The following NAALADL2 variants were observed in gnomAD, a reference collection of about 807,000 sequenced individuals.
NAALADL2 encodes N-acetylated alpha-linked acidic dipeptidase like 2, also known as inactive N-acetylated-alpha-linked acidic dipeptidase-like protein 2.
A neutral mutation model predicts 87.2 loss-of-function variants in NAALADL2; 76 were observed. The ratio of observed to expected loss-of-function variants is 0.87; its 90% CI spans 0.72 to 1.05. NAALADL2 has a LOEUF of 1.05. NAALADL2 is among the 50% of genes least tolerant of loss of function. The pLI, the probability that NAALADL2 is intolerant of heterozygous loss-of-function variation, is 0.00. For synonymous variants in NAALADL2, 354 were observed against 331.0 expected (o/e 1.07, Z -0.75); for missense variants, 1,089 against 945.8 (o/e 1.15, Z -1.99).
chr3:175,357,249 A>G lies in NAALADL2; in HGVS notation c.1090+32924A>G, dbSNP rs17283722. Among the ~76,000 whole-genome samples the G allele has an allele frequency of 3.4e-3, 521 of 152,310 alleles. 1 individual carries two copies. The highest frequency in any genetic ancestry group is 6.8e-3 in the Middle Eastern group (2 of 294). ...CTACACTAAGGAATAGGTCACAAAGATCAGTGGAGGAAAAGTGACAGGCTA... is the reference window on the plus strand; with the variant it reads ...CTACACTAAGGAATAGGTCACAAAGGTCAGTGGAGGAAAAGTGACAGGCTA... On this transcript the variant is annotated intron_variant, in intron 5 of 13. Coordinates refer to ENST00000454872, the MANE Select transcript of NAALADL2 (RefSeq NM_207015.3).
intron 2 of NAALADL2, among the ~76,000 whole-genome samples, chr3:174,594,832 C>T (rs974540562): frequency 1.3e-5 from 2 of 152,122 alleles, no homozygotes; most frequent in Non-Finnish European, 2.9e-5. Context: ...GTTGATATAT[C>T]TGAGTTGAAA....
chr3:174,608,186 T>C (rs1719340640), intron 2 of NAALADL2, among the ~76,000 whole-genome samples: 1 of 151,744 alleles, frequency 6.6e-6, no homozygotes, highest in South Asian at 2.1e-4. Flanking sequence ...GGGAAATTTA[T>C]AGCACTAAAT....
intron 5 of NAALADL2, among the ~76,000 whole-genome samples, chr3:175,415,410 G>T (rs1366895814): frequency 1.3e-5 from 2 of 152,006 alleles, no homozygotes; most frequent in Non-Finnish European, 2.9e-5. Flanking sequence ...TGGTACTCTT[G>T]CTTGCTATCA....
chr3:174,710,701 G>A (rs1730546052), intron 2 of NAALADL2, among the ~76,000 whole-genome samples: 1 of 152,180 alleles, frequency 6.6e-6, no homozygotes, highest in African/African-American at 2.4e-5. Context: ...TCTGCGAGCT[G>A]AGAGAAATTC....
intron 1 of NAALADL2, chr3:174,540,816 AC>A (rs2108465070): frequency 6.6e-6 from 1 of 152,302 alleles, no homozygotes; most frequent in Admixed American, 6.5e-5. Context: ...ACTCTTGACA[AC>A]CTGTTGCCTT....
Position 175,576,211 on chromosome 3 carries a change from A to C in NAALADL2, c.1800+24A>C, listed in dbSNP as rs528409637. ...AGGTGATTGTTCCTAAAAAATGCAA[A>C]ACACACACACACAATATAGTAGACC... is the stretch of plus-strand genomic sequence containing the variant. On this transcript the variant is annotated intron_variant, in intron 10 of 13. Coordinates refer to ENST00000454872, the MANE Select transcript of NAALADL2 (RefSeq NM_207015.3). 154 of 1,601,370 alleles carry C rather than the reference A, an allele frequency of 9.6e-5. 1 individual carries two copies. The East Asian group carries it at 2.2e-3, about 23-fold the overall frequency.
In NAALADL2 at chr3:175,803,026, T is replaced by A; in HGVS notation, c.2211T>A (p.Asp737Glu). 6.2e-7 allele frequency: 1 copy of A among 1,611,706 alleles called. No individual in the cohort carries two copies. The highest frequency in any genetic ancestry group is 8.5e-7 in the Non-Finnish European group (1 of 1,178,416). The change falls in exon 14 of 14, where the codon GAT becomes GAA. Residue 737 changes from aspartate to glutamate, a missense_variant. Asp to Glu is a conservative substitution (Grantham distance 45, BLOSUM62 2). Coordinates refer to ENST00000454872, the MANE Select transcript of NAALADL2 (RefSeq NM_207015.3). ...TCAGAAACATCCTCTACCACCTTGA[T>A]GAAAAGACAAGCCGGTTTTCAATAC... ...GFYRNILYHL[D>E]EKTSRFSILI...
chr3:175,799,158 T>C (rs1431855064), intron 13 of NAALADL2, among the ~76,000 whole-genome samples: 1 of 151,594 alleles, frequency 6.6e-6, no homozygotes, highest in African/African-American at 2.4e-5. Flanking sequence ...TACTCTCTCT[T>C]AAATTCTGGA....
At position 174,869,885 on chromosome 3, in the gene NAALADL2, A is replaced by G. The variant is rs1006834129; in HGVS notation, c.43+10435A>G. The stretch of plus-strand genomic sequence containing the variant: ...GTGGCTCGTGCCTGTAATTCCAGCT[A>G]CTTGGGAGGTTGAGGCAGGAGAATC... On this transcript the variant is annotated intron_variant, in intron 1 of 13. Transcript: ENST00000454872. Among the ~76,000 whole-genome samples the G allele has an allele frequency of 3.5e-4, 53 of 151,894 alleles. 1 individual carries two copies. The highest frequency in any genetic ancestry group is 1.1e-3 in the African/African-American group (46 of 41,424).
intron 11 of NAALADL2, among the ~76,000 whole-genome samples, chr3:175,633,348 AT>A (rs1728069764): frequency 6.6e-6 from 1 of 152,052 alleles, no homozygotes; most frequent in Admixed American, 6.6e-5. Flanking sequence ...GATTTAATAT[AT>A]TTTATTATCA....
intron 12 of NAALADL2, among the ~76,000 whole-genome samples, chr3:175,751,417 T>G (rs544312964): frequency 7.2e-5 from 11 of 152,172 alleles, no homozygotes; most frequent in Admixed American, 6.5e-4. Flanking sequence ...AAAAAAAAAG[T>G]CAGTAAAGCT....
chr3:175,286,868 A>G (rs1333954467), intron 4 of NAALADL2, among the ~76,000 whole-genome samples: 2 of 151,862 alleles, frequency 1.3e-5, no homozygotes, highest in Non-Finnish European at 2.9e-5. Context: ...ACAGTGGGAG[A>G]ATGGCTCGAG....
intron 3 of NAALADL2, among the ~76,000 whole-genome samples, chr3:174,796,834 G>C (rs1164303248): frequency 6.6e-6 from 1 of 150,842 alleles, no homozygotes; most frequent in Non-Finnish European, 1.5e-5. Flanking sequence ...GGGATTATTT[G>C]CCTTTTTTGT....
intron 2 of NAALADL2, among the ~76,000 whole-genome samples, chr3:174,663,723 G>A (rs1032931058): frequency 2.0e-5 from 3 of 151,882 alleles, no homozygotes; most frequent in Non-Finnish European, 4.4e-5. Context: ...ATTTTGTAGG[G>A]GACAAATATC....
chr3:175,491,116 C>G (rs1008980550), intron 9 of NAALADL2, among the ~76,000 whole-genome samples: 6 of 149,176 alleles, frequency 4.0e-5, no homozygotes, highest in African/African-American at 7.3e-5. Context: ...ACTTCCAACA[C>G]CCCAGAGCTG....
At chr3:174,700,871 A>G (rs971053232) in intron 2 of NAALADL2, among the ~76,000 whole-genome samples, 3 of 152,144 alleles carry the variant, frequency 2.0e-5, no homozygotes, top group Non-Finnish European at 2.9e-5. Flanking sequence ...TGAGATGCTG[A>G]CCTCAGGGAG....
intron 2 of NAALADL2, among the ~76,000 whole-genome samples, chr3:174,721,713 T>C (rs531203719): frequency 6.6e-6 from 1 of 152,252 alleles, no homozygotes; most frequent in Non-Finnish European, 1.5e-5. Context: ...CTGGCTTTAC[T>C]CACAGGAAAA....
intron 2 of NAALADL2, among the ~76,000 whole-genome samples, chr3:175,176,051 A>G (rs1383633740): frequency 3.9e-5 from 6 of 152,166 alleles, no homozygotes; most frequent in African/African-American, 1.4e-4. Flanking sequence ...GAGAATTTTT[A>G]TAAAGCCCAT....
intron 2 of NAALADL2, among the ~76,000 whole-genome samples, chr3:175,164,140 A>T (rs77592931): frequency 0.026 from 3,906 of 152,214 alleles, 148 homozygotes; most frequent in African/African-American, 0.088. Flanking sequence ...AAAAATGTCC[A>T]TTTTTTGTTT....
Sources: gnomAD v4.1 joint callset for allele counts (sites outside exome capture counted in the v4.1 genomes callset) on GRCh38, gnomAD v4.1.1 for gene constraint, MANE v1.5 for transcripts, NCBI Gene and HGNC (gene_info 2026-07-23, HGNC 2026-07-21) for gene names.